The following PMFBP1 variants were observed in gnomAD, a reference collection of about 807,000 sequenced individuals.
The protein encoded by PMFBP1 is polyamine-modulated factor 1-binding protein 1.
A neutral mutation model predicts 137.8 loss-of-function variants in PMFBP1; 131 were observed. The ratio of observed to expected loss-of-function variants is 0.95; its 90% confidence interval spans 0.82 to 1.10. The LOEUF is 1.10. PMFBP1 is among the 50% of genes least tolerant of loss of function. The pLI is 0.00. For synonymous variants in PMFBP1, 490 were observed against 450.4 expected, an observed-to-expected ratio of 1.09 and a Z score of -1.11; for missense variants, 1,199 against 1,175.4, an observed-to-expected ratio of 1.02 and a Z score of -0.29.
the PMFBP1 span, among the ~76,000 whole-genome samples, chr16:72,220,430 A>G: frequency 2.6e-5 from 4 of 152,264 alleles, no homozygotes; most frequent in African/African-American, 9.6e-5. Context: ...TCGCAAATGC[A>G]TAAAATAAAA....
At chr16:72,246,278 C>T in the PMFBP1 span, among the ~76,000 whole-genome samples, 1 of 152,306 alleles carries the variant, frequency 6.6e-6, no homozygotes, top group Non-Finnish European at 1.5e-5. Context: ...GGCCTGGTGA[C>T]TTGCCTCAAG....
chr16:72,188,323 T>C, the PMFBP1 span, among the ~76,000 whole-genome samples: 1 of 152,166 alleles, frequency 6.6e-6, no homozygotes, highest in Admixed American at 6.5e-5. Flanking sequence ...AGGAAGGGGA[T>C]GGTGTATTCT....
chr16:72,158,814 C>T (rs903288107), intron 3 of PMFBP1, among the ~76,000 whole-genome samples: 5 of 152,182 alleles, frequency 3.3e-5, no homozygotes, highest in East Asian at 1.9e-4. Flanking sequence ...GGCAAGATAG[C>T]GAGACCACCA....
intron 14 of PMFBP1, 159 bp downstream of exon 14, chr16:72,128,498 G>A (rs1200766533): frequency 6.5e-7 from 1 of 1,548,556 alleles, no homozygotes; most frequent in East Asian, 2.4e-5. Flanking sequence ...CAGCAACCAG[G>A]TGCCAATGGG....
At chr16:72,134,028 A>G (rs2042588092) in intron 9 of PMFBP1, among the ~76,000 whole-genome samples, 1 of 152,130 alleles carries the variant, frequency 6.6e-6, no homozygotes, top group Admixed American at 6.5e-5. Flanking sequence ...GAGGCAGGAG[A>G]ATCGCTTGAA....
chr16:72,222,771 T>A, the PMFBP1 span, among the ~76,000 whole-genome samples: 7 of 152,190 alleles, frequency 4.6e-5, no homozygotes, highest in Admixed American at 4.6e-4. Context: ...TTTTTTCTTT[T>A]TTGAAGATGA....
intron 17 of PMFBP1, 117 bp downstream of exon 17, chr16:72,124,650 C>A: frequency 7.9e-7 from 1 of 1,267,016 alleles, no homozygotes; most frequent in East Asian, 2.3e-5. Context: ...GAGGGGGTGA[C>A]CTTTCCTTTG....
At chr16:72,136,961 C>T (rs1448143627) in intron 7 of PMFBP1, 142 bp from the exon 8 acceptor site, 30 of 1,123,056 alleles carry the variant, frequency 2.7e-5, no homozygotes, top group Admixed American at 1.1e-4. Context: ...GATGGGTGTG[C>T]GGAGTGACTG....
the PMFBP1 span, among the ~76,000 whole-genome samples, chr16:72,195,205 G>A: frequency 2.0e-5 from 3 of 152,204 alleles, no homozygotes; most frequent in South Asian, 6.2e-4. Context: ...TTTCTGGCCA[G>A]TGCAGGACTC....
At chr16:72,137,874 G>T (rs1014360973) in intron 7 of PMFBP1, among the ~76,000 whole-genome samples, 9 of 152,154 alleles carry the variant, frequency 5.9e-5, no homozygotes, top group African/African-American at 2.2e-4. Context: ...GGAGGTGACA[G>T]CTGGAGAGAT....
chr16:72,227,334 C>G, the PMFBP1 span, among the ~76,000 whole-genome samples: 2 of 152,194 alleles, frequency 1.3e-5, no homozygotes, highest in East Asian at 3.8e-4. Context: ...TGACTGATGA[C>G]AGCAATTCAC....
chr16:72,202,607 T>C, the PMFBP1 span, among the ~76,000 whole-genome samples: 1 of 152,160 alleles, frequency 6.6e-6, no homozygotes, highest in Non-Finnish European at 1.5e-5. Flanking sequence ...GGATAGGAAG[T>C]TGGCACATTA....
upstream of PMFBP1, among the ~76,000 whole-genome samples, chr16:72,178,144 C>T (rs1394857620): frequency 2.6e-5 from 4 of 152,102 alleles, no homozygotes; most frequent in Non-Finnish European, 4.4e-5. Flanking sequence ...CTGGCTGCTT[C>T]GGTCTCCCAA....
chr16:72,204,557 C>T, the PMFBP1 span, among the ~76,000 whole-genome samples: 2 of 152,192 alleles, frequency 1.3e-5, no homozygotes, highest in East Asian at 3.8e-4. Flanking sequence ...AGCAGGAGCA[C>T]AGTCTGGATC....
chr16:72,158,619 C>A (rs1029158266), intron 3 of PMFBP1, among the ~76,000 whole-genome samples: 1 of 152,042 alleles, frequency 6.6e-6, no homozygotes, highest in Non-Finnish European at 1.5e-5. Context: ...AAGTACTTAA[C>A]GTGGACAGAA....
chr16:72,237,430 A>T, the PMFBP1 span, among the ~76,000 whole-genome samples: 2 of 151,958 alleles, frequency 1.3e-5, no homozygotes, highest in Admixed American at 6.6e-5. Flanking sequence ...CTTTGTCTCA[A>T]ATAGTCACAT....
chr16:72,238,879 C>T, the PMFBP1 span, among the ~76,000 whole-genome samples: 1 of 152,066 alleles, frequency 6.6e-6, no homozygotes, highest in Non-Finnish European at 1.5e-5. Flanking sequence ...GCGTTACTGA[C>T]ATCTAGTGGG....
chr16:72,175,465 C>T (rs1047025289), upstream of PMFBP1, among the ~76,000 whole-genome samples: 49 of 152,274 alleles, frequency 3.2e-4, no homozygotes, highest in African/African-American at 1.1e-3. Context: ...AATTTTGACT[C>T]CCTCCCCAAG....
chr16:72,207,328 C>T, the PMFBP1 span, among the ~76,000 whole-genome samples: 3 of 151,934 alleles, frequency 2.0e-5, no homozygotes, highest in African/African-American at 7.3e-5. Flanking sequence ...TTAATTGGAT[C>T]CTGGGGTGGG....
Sources: gnomAD v4.1 joint callset for allele counts (sites outside exome capture counted in the v4.1 genomes callset) on GRCh38, gnomAD v4.1.1 for gene constraint, MANE v1.5 for transcripts, NCBI Gene and HGNC (gene_info 2026-07-23, HGNC 2026-07-21) for gene names.